The following MACROD2 variants were observed in gnomAD, a reference collection of about 807,000 sequenced individuals.
The protein encoded by MACROD2 is mono-ADP ribosylhydrolase 2, also known as ADP-ribose glycohydrolase MACROD2.
Under a neutral mutation model 70.4 loss-of-function variants are expected in MACROD2, and 36 were observed. The observed-to-expected ratio is 0.51, with a 90% confidence interval of 0.39 to 0.68. The LOEUF (loss-of-function observed/expected upper bound fraction) is 0.68, where lower values mean the gene tolerates loss of function less well. MACROD2 is among the 30% of genes least tolerant of loss of function. The pLI is 0.00. For missense variants in MACROD2, 496 were observed against 538.4 expected, an observed-to-expected ratio of 0.92 and a Z score of 0.78; for synonymous variants, 172 against 178.8, an observed-to-expected ratio of 0.96 and a Z score of 0.30.
At chr20:14,330,458 T>C (rs2082815342) in intron 3 of MACROD2, among the ~76,000 whole-genome samples, 1 of 152,064 alleles carries the variant, frequency 6.6e-6, no homozygotes, top group South Asian at 2.1e-4. Context: ...CCAACAAGTA[T>C]AGCATCTGTT....
At chr20:14,734,546 C>A (rs1331055583) in intron 5 of MACROD2, among the ~76,000 whole-genome samples, 16 of 143,516 alleles carry the variant, frequency 1.1e-4, no homozygotes, top group Admixed American at 1.4e-4. Context: ...AACAAAAAAG[C>A]AAAAAAAAAA....
rs373021315 is a variant in MACROD2 at position 14,887,685 on chromosome 20, G to A, written c.418+202726G>A. Among the ~76,000 whole-genome samples, 14 of 152,142 alleles carry A rather than the reference G, an allele frequency of 9.2e-5. 1 individual carries two copies. The highest frequency in any genetic ancestry group is 4.6e-4 in the Admixed American group (7 of 15,282). ...TTACAGATGTGAGCCACCGTGGCTG[G>A]CCATGTTGAGCATTTCTTGAAAAAT... On this transcript the variant is annotated intron_variant, in intron 5 of 17. Coordinates refer to ENST00000684519, the MANE Select transcript of MACROD2 (RefSeq NM_001351661.2).
Position 14,862,339 on chromosome 20 carries a change from T to A in MACROD2, c.418+177380T>A, listed in dbSNP as rs553159409. On this transcript the variant is annotated intron_variant, in intron 5 of 17. Coordinates refer to ENST00000684519, the MANE Select transcript of MACROD2 (RefSeq NM_001351661.2). Reference sequence around the variant, plus strand: ...TAAATATATATATAAAAATATATATTAATATATAAAAATATATATATAAAT... The same window carrying A: ...TAAATATATATATAAAAATATATATAAATATATAAAAATATATATATAAAT... Among the ~76,000 whole-genome samples the A allele has an allele frequency of 3.0e-4, 4 of 13,144 alleles. 1 individual carries two copies. Among genetic ancestry groups the A allele is most frequent in the African/African-American group, 8.8e-4 (3 of 3,412 alleles). 8.6% of individuals were successfully genotyped at this position (13,144 alleles called of 152,430 possible).
intron 2 of MACROD2, among the ~76,000 whole-genome samples, chr20:14,040,876 G>A (rs1383184201): frequency 6.6e-6 from 1 of 152,152 alleles, no homozygotes; most frequent in Non-Finnish European, 1.5e-5. Context: ...CTATTCTGGA[G>A]TTTATTTTCT....
intron 4 of MACROD2, among the ~76,000 whole-genome samples, chr20:14,619,989 A>G (rs1045669596): frequency 6.6e-6 from 1 of 152,138 alleles, no homozygotes; most frequent in Admixed American, 6.6e-5. Flanking sequence ...TCTTTGTCTA[A>G]AAGACTATGT....
chr20:14,862,623 AT>A (rs2073375431), intron 5 of MACROD2, among the ~76,000 whole-genome samples: 1 of 12,954 alleles, frequency 7.7e-5, no homozygotes, highest in Non-Finnish European at 1.6e-4. Flanking sequence ...ATAAATATAT[AT>A]ATATAAATAT....
intron 8 of MACROD2, among the ~76,000 whole-genome samples, chr20:15,634,078 T>C (rs1166433562): frequency 6.6e-6 from 1 of 152,214 alleles, no homozygotes; most frequent in Non-Finnish European, 1.5e-5. Flanking sequence ...CATTAGTCAA[T>C]TGTTTTTCAT....
chr20:15,265,536 C>G (rs1163587943), intron 6 of MACROD2, among the ~76,000 whole-genome samples: 1 of 151,896 alleles, frequency 6.6e-6, no homozygotes, highest in Non-Finnish European at 1.5e-5. Flanking sequence ...CATTTTTTTT[C>G]GATGTAACTT....
chr20:15,245,525 C>T (rs1050169951), intron 6 of MACROD2, among the ~76,000 whole-genome samples: 1 of 152,058 alleles, frequency 6.6e-6, no homozygotes, highest in African/African-American at 2.4e-5. Context: ...CAATGATGCC[C>T]CTCAAGTTTC....
At chr20:14,527,627 A>G (rs1486217547) in intron 4 of MACROD2, among the ~76,000 whole-genome samples, 2 of 152,236 alleles carry the variant, frequency 1.3e-5, no homozygotes, top group African/African-American at 4.8e-5. Flanking sequence ...TACTCTGGGG[A>G]CAATGTCTCA....
intron 3 of MACROD2, among the ~76,000 whole-genome samples, chr20:14,422,713 C>T (rs1020307388): frequency 6.6e-5 from 10 of 152,240 alleles, no homozygotes; most frequent in African/African-American, 2.2e-4. Context: ...TATCTTTATA[C>T]GCTGTCTACC....
intron 13 of MACROD2, among the ~76,000 whole-genome samples, chr20:15,973,610 A>G (rs1450814862): frequency 6.6e-6 from 1 of 152,232 alleles, no homozygotes; most frequent in Non-Finnish European, 1.5e-5. Flanking sequence ...ATCAAATAAG[A>G]TGACAGAAAC....
At chr20:14,573,057 T>TC (rs2123323866) in intron 4 of MACROD2, among the ~76,000 whole-genome samples, 1 of 22,436 alleles carries the variant, frequency 4.5e-5, no homozygotes, top group Admixed American at 9.4e-4. Flanking sequence ...TGAAATAGCC[T>TC]TTTTTTTCCC....
At chr20:14,800,781 T>C (rs1291050734) in intron 5 of MACROD2, among the ~76,000 whole-genome samples, 2 of 152,140 alleles carry the variant, frequency 1.3e-5, no homozygotes, top group Non-Finnish European at 2.9e-5. Flanking sequence ...TGGGTATAGT[T>C]ACCACTCCAG....
At chr20:14,511,648 T>C (rs145390026) in intron 4 of MACROD2, among the ~76,000 whole-genome samples, 259 of 144,400 alleles carry the variant, frequency 1.8e-3, no homozygotes, top group African/African-American at 6.5e-3. Context: ...CTTGGAATAT[T>C]TAAACGCTAT....
At chr20:16,007,767 C>T (rs1272653777) in intron 15 of MACROD2, among the ~76,000 whole-genome samples, 1 of 152,154 alleles carries the variant, frequency 6.6e-6, no homozygotes, top group Non-Finnish European at 1.5e-5. Context: ...ACCCAGCATC[C>T]TTTCCACCCT....
chr20:14,706,767 G>T (rs2071274920), intron 5 of MACROD2, among the ~76,000 whole-genome samples: 2 of 152,002 alleles, frequency 1.3e-5, no homozygotes, highest in Admixed American at 6.6e-5. Flanking sequence ...GATTATCTCT[G>T]CTTGTTGGCA....
chr20:15,935,396 C>G (rs112431610), intron 11 of MACROD2, among the ~76,000 whole-genome samples: 2 of 152,200 alleles, frequency 1.3e-5, no homozygotes, highest in African/African-American at 2.4e-5. Context: ...CACATAGTTA[C>G]GTTCACACTG....
At chr20:14,205,109 A>T (rs1051308802) in intron 3 of MACROD2, among the ~76,000 whole-genome samples, 1 of 152,212 alleles carries the variant, frequency 6.6e-6, no homozygotes, top group Non-Finnish European at 1.5e-5. Flanking sequence ...TGGAACAGGA[A>T]CCCTGATTGG....
Sources: allele counts gnomAD v4.1 joint callset (sites outside exome capture counted in the v4.1 genomes callset), GRCh38; gene constraint gnomAD v4.1.1; transcripts MANE v1.5; gene names NCBI Gene and HGNC (gene_info 2026-07-23, HGNC 2026-07-21).